DPYD: variants seen among roughly 807,000 people sequenced by gnomAD.
DPYD encodes the protein dihydropyrimidine dehydrogenase [NADP(+)].
A neutral mutation model predicts 116.2 loss-of-function variants in DPYD; 109 were observed. The observed-to-expected ratio is 0.94, with a 90% CI of 0.80 to 1.10. The LOEUF is 1.10. DPYD is among the 50% of genes least tolerant of loss of function. The pLI, the probability that DPYD is intolerant of heterozygous loss-of-function variation, is 0.00. For missense variants in DPYD, 1,302 were observed against 1,254.5 expected (o/e 1.04, Z -0.57); for synonymous variants, 440 against 432.0 (o/e 1.02, Z -0.23).
intron 12 of DPYD, among the ~76,000 whole-genome samples, chr1:97,542,499 C>A (rs1002009279): frequency 6.6e-6 from 1 of 151,998 alleles, no homozygotes; most frequent in African/African-American, 2.4e-5. Context: ...ATCTAATTAC[C>A]CAGTATTATT....
intron 20 of DPYD, among the ~76,000 whole-genome samples, chr1:97,104,433 T>C (rs1168894519): frequency 6.6e-6 from 1 of 152,112 alleles, no homozygotes; most frequent in Non-Finnish European, 1.5e-5. Context: ...TTGAAATTTA[T>C]ATAGAAAGGA....
intron 14 of DPYD, among the ~76,000 whole-genome samples, chr1:97,412,431 A>C (rs76622753): frequency 0.013 from 2,012 of 152,236 alleles, 45 homozygotes; most frequent in African/African-American, 0.047. Flanking sequence ...CCCACACATA[A>C]TCACATGATC....
At chr1:97,379,467 G>A (rs894748006) in intron 15 of DPYD, among the ~76,000 whole-genome samples, 1 of 152,122 alleles carries the variant, frequency 6.6e-6, no homozygotes, top group African/African-American at 2.4e-5. Context: ...CAGGAATTTT[G>A]CCACTAGTTA....
chr1:97,834,776 T>G (rs1253169027), intron 2 of DPYD, among the ~76,000 whole-genome samples: 1 of 150,822 alleles, frequency 6.6e-6, no homozygotes, highest in Non-Finnish European at 1.5e-5. Flanking sequence ...AAAAAAAAAA[T>G]GAGTCAATTA....
rs542800329 is a variant in DPYD, at chr1:97,113,494, C to A, written c.2623-14862G>T. On this transcript the variant is annotated intron_variant, in intron 20 of 22. Transcript: ENST00000370192. ...ATTATGTGTGGAATTCACTAATCTACCTGGCCCAATACCCCATTAGTTAGA... is the reference window on the plus strand; with the variant it reads ...ATTATGTGTGGAATTCACTAATCTAACTGGCCCAATACCCCATTAGTTAGA... Among the ~76,000 whole-genome samples the A allele has an allele frequency of 9.9e-5, 15 of 152,212 alleles. No homozygotes were observed. In the South Asian group the frequency reaches 3.1e-3, roughly 32 times the overall value.
chr1:97,863,954 G>A (rs987749026), intron 2 of DPYD, among the ~76,000 whole-genome samples: 4 of 151,898 alleles, frequency 2.6e-5, no homozygotes, highest in Admixed American at 2.6e-4. Context: ...GTGTGAAAGG[G>A]AGATTCTAGA....
intron 3 of DPYD, among the ~76,000 whole-genome samples, chr1:97,800,791 C>T (rs1232229565): frequency 6.6e-6 from 1 of 151,888 alleles, no homozygotes; most frequent in African/African-American, 2.4e-5. Context: ...TAACTAGATT[C>T]CATCTCCTTC....
At chr1:97,873,570 T>C (rs909675308) in intron 2 of DPYD, among the ~76,000 whole-genome samples, 18 of 152,086 alleles carry the variant, frequency 1.2e-4, no homozygotes, top group East Asian at 3.9e-4. Context: ...ATAAAAATTC[T>C]TCAAAAGAAT....
intron 16 of DPYD, among the ~76,000 whole-genome samples, chr1:97,315,012 G>T (rs1036646035): frequency 1.3e-5 from 2 of 151,958 alleles, no homozygotes; most frequent in Non-Finnish European, 1.5e-5. Flanking sequence ...CATGGTAGAG[G>T]GGGCTCTGCA....
rs187706846 is a variant in DPYD, at chr1:97,258,556, C to T, written c.2300-23562G>A. Among the ~76,000 whole-genome samples, 10 of 152,228 alleles carry T rather than the reference C, an allele frequency of 6.6e-5. No individual in the cohort carries two copies. In the East Asian group the frequency reaches 1.9e-3, roughly 29 times the overall value. On this transcript the variant is annotated intron_variant, in intron 18 of 22. Coordinates refer to ENST00000370192, the MANE Select transcript of DPYD (RefSeq NM_000110.4). Reference sequence around the variant, plus strand: ...ATTTCCTCCTCCCTGATGTCTATTTCCCAAGATCAACTCCCAAATAGGCCA... The same window carrying T: ...ATTTCCTCCTCCCTGATGTCTATTTTCCAAGATCAACTCCCAAATAGGCCA...
chr1:97,200,187 C>A (rs1659105407), intron 19 of DPYD, among the ~76,000 whole-genome samples: 1 of 152,126 alleles, frequency 6.6e-6, no homozygotes, highest in African/African-American at 2.4e-5. Context: ...AAACACAACT[C>A]AGATAAACCC....
In DPYD at chr1:97,450,100, A is replaced by T; in HGVS notation, c.1864T>A (p.Cys622Ser). ...GCCTTTAGTTCAGTGACACTTTGACACCAATATGCAGCCGTTTTCTCACTG... is the reference window on the plus strand; with the variant it reads ...GCCTTTAGTTCAGTGACACTTTGACTCCAATATGCAGCCGTTTTCTCACTG... Reference protein sequence around the residue: ...LISEKTAAYWCQSVTELKADF... With the variant: ...LISEKTAAYWSQSVTELKADF... The change falls in exon 14 of 23, where the codon TGT (cysteine) becomes AGT (serine). Residue 622 changes from cysteine to serine, a missense_variant. Transcript: ENST00000370192. 6.2e-7 allele frequency: 1 copy of T among 1,614,008 alleles called. No homozygotes were observed. Among genetic ancestry groups the T allele is most frequent in the Non-Finnish European group, 8.5e-7 (1 of 1,179,926 alleles).
At chr1:97,647,891 C>T (rs1658366259) in intron 8 of DPYD, among the ~76,000 whole-genome samples, 1 of 151,980 alleles carries the variant, frequency 6.6e-6, no homozygotes, top group Non-Finnish European at 1.5e-5. Context: ...TTTCCCAACT[C>T]ATACATCTGA....
At chr1:97,690,757 T>C (rs1214966408) in intron 7 of DPYD, among the ~76,000 whole-genome samples, 2 of 152,116 alleles carry the variant, frequency 1.3e-5, no homozygotes, top group Admixed American at 1.3e-4. Flanking sequence ...TTAAGTTTTA[T>C]AAAGTTGCCC....
chr1:97,810,570 C>T (rs1668306074), intron 3 of DPYD, among the ~76,000 whole-genome samples: 1 of 152,002 alleles, frequency 6.6e-6, no homozygotes, highest in South Asian at 2.1e-4. Flanking sequence ...TCTCTTCTCC[C>T]ATCCTTCACA....
chr1:97,282,400 T>G (rs1033639103), intron 18 of DPYD, among the ~76,000 whole-genome samples: 1 of 152,100 alleles, frequency 6.6e-6, no homozygotes, highest in Non-Finnish European at 1.5e-5. Context: ...CCTTTACCAT[T>G]TTCTCTTTTT....
Position 97,573,823 on chromosome 1 carries a change from T to A in DPYD, c.1276A>T (p.Met426Leu). 6.2e-7 allele frequency: 1 copy of A among 1,613,722 alleles called. No homozygotes were observed. The highest frequency in any genetic ancestry group is 8.5e-7 in the Non-Finnish European group (1 of 1,179,684). Residue 426 changes from methionine to leucine, a missense_variant, in exon 11 of 23, where the codon ATG (methionine) becomes TTG (leucine). Transcript: ENST00000370192. ...ACCACATCGGCTTTCAGATGGACCATCTGATCTTCATCTTCATTCCATTTT... is the reference window on the plus strand; with the variant it reads ...ACCACATCGGCTTTCAGATGGACCAACTGATCTTCATCTTCATTCCATTTT... Reference protein sequence around the residue: ...TGKWNEDEDQMVHLKADVVIS... With the variant: ...TGKWNEDEDQLVHLKADVVIS...
intron 21 of DPYD, among the ~76,000 whole-genome samples, chr1:97,098,104 G>A (rs1650396363): frequency 6.6e-6 from 1 of 152,036 alleles, no homozygotes; most frequent in Non-Finnish European, 1.5e-5. Flanking sequence ...TGATCACATT[G>A]ATATTGATGT....
intron 3 of DPYD, among the ~76,000 whole-genome samples, chr1:97,755,367 G>T (rs998008569): frequency 6.6e-6 from 1 of 152,098 alleles, no homozygotes; most frequent in Admixed American, 6.6e-5. Flanking sequence ...ATCCATGCCT[G>T]GGCAACTCTC....
Sources: allele counts gnomAD v4.1 joint callset (sites outside exome capture counted in the v4.1 genomes callset), GRCh38; gene constraint gnomAD v4.1.1; transcripts MANE v1.5; gene names NCBI Gene and HGNC (gene_info 2026-07-23, HGNC 2026-07-21).